SFMBT1: variants seen among roughly 807,000 people sequenced by gnomAD.
The protein encoded by SFMBT1 is scm-like with four MBT domains protein 1.
A neutral mutation model predicts 108.7 loss-of-function variants in SFMBT1; 32 were observed. The ratio of observed to expected loss-of-function variants is 0.29; its 90% confidence interval spans 0.22 to 0.40. The LOEUF is 0.40. SFMBT1 is among the 10% of genes least tolerant of loss of function. The pLI is 1.00. For synonymous variants in SFMBT1, 348 were observed against 369.5 expected (o/e 0.94, Z 0.67); for missense variants, 816 against 1,059.6 (o/e 0.77, Z 3.19).
At chr3:52,995,027 G>A (rs1229721031) in intron 1 of SFMBT1, among the ~76,000 whole-genome samples, 1 of 134,582 alleles carries the variant, frequency 7.4e-6, no homozygotes, top group Non-Finnish European at 1.6e-5. Flanking sequence ...AGAAAGAAAA[G>A]AAAGCAAGAA....
At chr3:52,944,621 G>T (rs960218349) in intron 3 of SFMBT1, among the ~76,000 whole-genome samples, 1 of 152,100 alleles carries the variant, frequency 6.6e-6, no homozygotes, top group Non-Finnish European at 1.5e-5. Flanking sequence ...CTGGGTACAA[G>T]CGATTTTCCT....
In SFMBT1 at chr3:52,923,008, C is replaced by A. The variant is rs1011778189; in HGVS notation, c.1132-1177G>T. On this transcript the variant is annotated intron_variant, in intron 10 of 20. Transcript: ENST00000394752. ...AACAAATGGCCAATCAGATTCCACC[C>A]TATAGGAAAGTTCAAGGTTGACAAG... 2.0e-4 allele frequency among the ~76,000 whole-genome samples: 31 copies of A among 152,276 alleles called. 1 individual carries two copies. The highest frequency in any genetic ancestry group is 7.5e-4 in the African/African-American group (31 of 41,552).
chr3:52,933,375 TCTCA>T (rs1223587108), intron 5 of SFMBT1, among the ~76,000 whole-genome samples: 1 of 152,110 alleles, frequency 6.6e-6, no homozygotes, highest in East Asian at 1.9e-4. Context: ...AAAGTTTAAC[TCTCA>T]CTATCTAGAA....
intron 1 of SFMBT1, among the ~76,000 whole-genome samples, chr3:53,012,438 T>C (rs1319997709): frequency 1.3e-5 from 2 of 152,006 alleles, no homozygotes; most frequent in Non-Finnish European, 2.9e-5. Context: ...AGTCTCGCTC[T>C]GTCGCCCAGG....
intron 16 of SFMBT1, 36 bp downstream of exon 16, chr3:52,912,501 AG>A: frequency 4.5e-6 from 7 of 1,554,990 alleles, no homozygotes; most frequent in Non-Finnish European, 6.2e-6. Context: ...TTTAAAGACA[AG>A]TAAAAGTAAA....
intron 18 of SFMBT1, 39 bp downstream of exon 18, chr3:52,907,516 T>C: frequency 6.3e-7 from 1 of 1,589,632 alleles, no homozygotes; most frequent in Non-Finnish European, 8.5e-7. Flanking sequence ...AGTGGTCACT[T>C]GGCTTCAAGA....
chr3:52,974,892 A>T (rs1187899146), intron 1 of SFMBT1, among the ~76,000 whole-genome samples: 2 of 149,320 alleles, frequency 1.3e-5, no homozygotes, highest in African/African-American at 4.9e-5. Flanking sequence ...TTGTAATCCC[A>T]CCTACTCAGG....
chr3:53,003,121 CAAAAAAAA>C (rs397894876), intron 1 of SFMBT1, among the ~76,000 whole-genome samples: 6 of 62,006 alleles, frequency 9.7e-5, no homozygotes, highest in Admixed American at 2.3e-4. Context: ...GACTCCATCA[CAAAAAAAA>C]AAAAAAAAAA....
chr3:53,018,503 G>A (rs945670892), intron 1 of SFMBT1, among the ~76,000 whole-genome samples: 16 of 152,066 alleles, frequency 1.1e-4, no homozygotes, highest in Non-Finnish European at 1.5e-4. Flanking sequence ...AGTCCCATAA[G>A]ATCAGCACAC....
intron 3 of SFMBT1, among the ~76,000 whole-genome samples, chr3:52,950,715 C>G (rs1703548308): frequency 6.6e-6 from 1 of 151,798 alleles, no homozygotes; most frequent in Admixed American, 6.6e-5. Flanking sequence ...CTCAGGTGAT[C>G]CACCCGCCAT....
At chr3:52,946,319 A>G (rs1219827460) in intron 3 of SFMBT1, among the ~76,000 whole-genome samples, 1 of 152,256 alleles carries the variant, frequency 6.6e-6, no homozygotes, top group Non-Finnish European at 1.5e-5. Flanking sequence ...CAGAGAGGGA[A>G]AGTCCCACAT....
chr3:52,920,374 G>T (rs1271668482), intron 12 of SFMBT1, among the ~76,000 whole-genome samples, 163 bp downstream of exon 12: 1 of 152,198 alleles, frequency 6.6e-6, no homozygotes, highest in Non-Finnish European at 1.5e-5. Context: ...CACAGAAACT[G>T]TAAGGTATTA....
Position 52,912,642 on chromosome 3 carries a change from G to A in SFMBT1, c.1626C>T (p.Leu542=). The change falls in exon 16 of 21, where the codon CTC becomes CTT. Residue 542 remains leucine (L), a synonymous_variant. Transcript: ENST00000394752. ...GNCVLVLREV[L]TLLINAAYKP... ...TGTAGGCTGCATTGATAAGTAAAGT[G>A]AGGACCTGAGCTCAGTTTTAAAGCA... 2 of 1,613,116 alleles carry A rather than the reference G, an allele frequency of 1.2e-6. No homozygotes were observed.
At chr3:52,935,274 C>G (rs933033043) in intron 4 of SFMBT1, among the ~76,000 whole-genome samples, 2 of 152,218 alleles carry the variant, frequency 1.3e-5, no homozygotes, top group African/African-American at 2.4e-5. Flanking sequence ...CATGGCCAAT[C>G]TGTTTCATCT....
At chr3:52,969,401 A>G (rs1293164670) in intron 1 of SFMBT1, 143 bp from the exon 2 acceptor site, 11 of 733,818 alleles carry the variant, frequency 1.5e-5, no homozygotes, top group South Asian at 8.1e-5. Flanking sequence ...GAAAAAATTG[A>G]TACCTTTTCT....
rs115863591 is a variant in SFMBT1 at position 53,018,638 on chromosome 3, T to C, written c.-131+27178A>G. 3.0e-3 allele frequency among the ~76,000 whole-genome samples: 450 copies of C among 152,344 alleles called. 1 individual carries two copies. Among genetic ancestry groups the C allele is most frequent in the African/African-American group, 0.01 (432 of 41,582 alleles). ...CTCATCTCAGAGGCTTGCCTTCATA[T>C]GGCATTTCCTCATTTCCTCCCCAGT... On this transcript the variant is annotated intron_variant, in intron 1 of 20. Coordinates refer to ENST00000394752, the MANE Select transcript of SFMBT1 (RefSeq NM_016329.4).
chr3:52,945,180 C>T (rs1346206830), intron 3 of SFMBT1, among the ~76,000 whole-genome samples: 9 of 101,004 alleles, frequency 8.9e-5, no homozygotes, highest in Non-Finnish European at 1.3e-4. Flanking sequence ...AAGCTTATTC[C>T]GATTCTGGGA....
chr3:52,920,212 A>C (rs1422862335), intron 12 of SFMBT1, among the ~76,000 whole-genome samples: 1 of 152,136 alleles, frequency 6.6e-6, no homozygotes, highest in Non-Finnish European at 1.5e-5. Flanking sequence ...ATGCACTAAG[A>C]CACTTGCCAA....
At chr3:52,957,132 G>A (rs1487041338) in intron 2 of SFMBT1, among the ~76,000 whole-genome samples, 1 of 152,062 alleles carries the variant, frequency 6.6e-6, no homozygotes, top group African/African-American at 2.4e-5. Context: ...AAAATCTCAC[G>A]ATACAAAATC....
Sources: gnomAD v4.1 joint callset for allele counts (sites outside exome capture counted in the v4.1 genomes callset) on GRCh38, gnomAD v4.1.1 for gene constraint, MANE v1.5 for transcripts, NCBI Gene and HGNC (gene_info 2026-07-23, HGNC 2026-07-21) for gene names.